ZDHHC21: variants seen among roughly 807,000 people sequenced by gnomAD.
The protein encoded by ZDHHC21 is palmitoyltransferase ZDHHC21.
ZDHHC21 carries 15 observed loss-of-function variants against 34.6 expected under a neutral mutation model. The observed-to-expected ratio is 0.43, with a 90% CI of 0.29 to 0.67. The LOEUF (loss-of-function observed/expected upper bound fraction) is 0.67. Among genes scored for constraint, ZDHHC21 ranks in the 30% least tolerant of loss-of-function variants. The probability of loss-of-function intolerance (pLI) is 0.14; values close to 1 mark genes in which losing one functional copy is unlikely to be tolerated. For synonymous variants in ZDHHC21, 142 were observed against 101.8 expected (o/e 1.40, Z -2.38); for missense variants, 344 against 327.7 (o/e 1.05, Z -0.38).
At chr9:14,642,030 G>C (rs959560511) in intron 7 of ZDHHC21, among the ~76,000 whole-genome samples, 2 of 152,070 alleles carry the variant, frequency 1.3e-5, no homozygotes, top group Non-Finnish European at 2.9e-5. Context: ...TCTACTCCCA[G>C]TGAAAAGATT....
intron 6 of ZDHHC21, among the ~76,000 whole-genome samples, chr9:14,660,224 A>C (rs1833100430): frequency 6.6e-6 from 1 of 151,650 alleles, no homozygotes; most frequent in Non-Finnish European, 1.5e-5. Context: ...AAATTAGCCA[A>C]GCATGGTGGC....
chr9:14,601,401 A>G, the ZDHHC21 span, among the ~76,000 whole-genome samples: 5 of 145,600 alleles, frequency 3.4e-5, no homozygotes, highest in African/African-American at 1.2e-4. Context: ...AAAAAAGGTC[A>G]TCATCACTGG....
At chr9:14,604,535 A>G in the ZDHHC21 span, among the ~76,000 whole-genome samples, 1 of 152,216 alleles carries the variant, frequency 6.6e-6, no homozygotes, top group Non-Finnish European at 1.5e-5. Context: ...GGAAAACTGC[A>G]GGTTGAGGAC....
chr9:14,618,687 C>T lies in ZDHHC21; in HGVS notation c.*279G>A, dbSNP rs193154225. On this transcript the variant is annotated 3_prime_UTR_variant, in exon 10 of 10. Coordinates refer to ENST00000380916, the MANE Select transcript of ZDHHC21 (RefSeq NM_178566.6). The stretch of plus-strand genomic sequence containing the variant: ...ATAAATTATGTACAATTATTTCATC[C>T]TAATCACTGCCTTTTGAGTTTAATA... The T allele has an allele frequency of 4.8e-4, 131 of 271,436 alleles. No homozygotes were observed. Among genetic ancestry groups the T allele is most frequent in the African/African-American group, 2.5e-3 (115 of 45,608 alleles). 16.8% of individuals were successfully genotyped at this position (271,436 alleles called of 1,614,324 possible).
At chr9:14,657,671 A>G (rs1349297719) in intron 7 of ZDHHC21, among the ~76,000 whole-genome samples, 1 of 152,190 alleles carries the variant, frequency 6.6e-6, no homozygotes, top group Non-Finnish European at 1.5e-5. Flanking sequence ...TAACAAAAAC[A>G]GGCAGAGGGC....
At chr9:14,669,570 CAT>C (rs1564359584) in intron 5 of ZDHHC21, among the ~76,000 whole-genome samples, 5 of 149,634 alleles carry the variant, frequency 3.3e-5, no homozygotes, top group Non-Finnish European at 5.9e-5. Flanking sequence ...TTTATTGCAG[CAT>C]TATTCACAAT....
At chr9:14,622,008 A>G (rs534623859) in intron 8 of ZDHHC21, among the ~76,000 whole-genome samples, 5 of 152,306 alleles carry the variant, frequency 3.3e-5, no homozygotes, top group Admixed American at 1.3e-4. Flanking sequence ...AATACAAAAT[A>G]TAAGTCCTCA....
At chr9:14,640,237 A>G (rs1829083636) in intron 7 of ZDHHC21, among the ~76,000 whole-genome samples, 1 of 148,804 alleles carries the variant, frequency 6.7e-6, no homozygotes, top group Non-Finnish European at 1.5e-5. Flanking sequence ...GGAGTTTACT[A>G]CTCTACTGCA....
the ZDHHC21 span, among the ~76,000 whole-genome samples, chr9:14,603,024 G>A: frequency 3.3e-5 from 5 of 150,964 alleles, no homozygotes; most frequent in Non-Finnish European, 7.4e-5. Flanking sequence ...AAACAGGTCC[G>A]CGTTTCCTGG....
chr9:14,641,010 A>G (rs761003020), intron 7 of ZDHHC21, among the ~76,000 whole-genome samples: 1 of 152,182 alleles, frequency 6.6e-6, no homozygotes, highest in Non-Finnish European at 1.5e-5. Context: ...ACAGAAAATA[A>G]AAGCACCAAG....
the ZDHHC21 span, among the ~76,000 whole-genome samples, chr9:14,605,580 TTTGA>T: frequency 2.0e-5 from 3 of 152,210 alleles, no homozygotes; most frequent in East Asian, 5.8e-4. Flanking sequence ...CGTTTTGTAT[TTTGA>T]TTAACCTCTT....
intron 8 of ZDHHC21, among the ~76,000 whole-genome samples, chr9:14,635,128 G>A (rs1235442223): frequency 6.6e-6 from 1 of 152,030 alleles, no homozygotes. Flanking sequence ...AACCCAGTCT[G>A]ACAAAAATAA....
At chr9:14,622,449 A>G (rs1825471845) in intron 8 of ZDHHC21, 1 of 826,948 alleles carries the variant, frequency 1.2e-6, no homozygotes, top group Non-Finnish European at 1.5e-6. Context: ...AGAAAGAGAT[A>G]TCTCTTGGCT....
At chr9:14,683,099 G>T (rs896433295) in intron 2 of ZDHHC21, among the ~76,000 whole-genome samples, 1 of 152,016 alleles carries the variant, frequency 6.6e-6, no homozygotes, top group African/African-American at 2.4e-5. Flanking sequence ...ATCTAAAATT[G>T]ACACCCTAAC....
At chr9:14,650,818 T>C (rs562413049) in intron 7 of ZDHHC21, among the ~76,000 whole-genome samples, 1 of 151,982 alleles carries the variant, frequency 6.6e-6, no homozygotes, top group Non-Finnish European at 1.5e-5. Context: ...ATTATTTATT[T>C]TCCTCTTCTG....
At chr9:14,668,124 C>T (rs1834816361) in intron 5 of ZDHHC21, among the ~76,000 whole-genome samples, 1 of 88,774 alleles carries the variant, frequency 1.1e-5, no homozygotes, top group Non-Finnish European at 2.2e-5. Context: ...CCCAAAATCT[C>T]CTTAAGCTGA....
chr9:14,675,102 T>C lies in ZDHHC21; in HGVS notation c.-45-717A>G, dbSNP rs80212938. On this transcript the variant is annotated intron_variant, in intron 3 of 9. Coordinates refer to ENST00000380916, the MANE Select transcript of ZDHHC21 (RefSeq NM_178566.6). ...GAATGAAGCCCAACAAATCTCATTA[T>C]GATCAACTGAAGAAGACTCCTGTTT... Among the ~76,000 whole-genome samples, 661 of 152,126 alleles carry C rather than the reference T, an allele frequency of 4.3e-3. 32 individuals are homozygous for C. In the East Asian group the frequency reaches 0.11, roughly 26 times the overall value.
chr9:14,675,480 T>C (rs1461828682), intron 3 of ZDHHC21, among the ~76,000 whole-genome samples: 2 of 151,828 alleles, frequency 1.3e-5, no homozygotes, highest in African/African-American at 4.8e-5. Flanking sequence ...CAATAAAATG[T>C]TGTAAAATGC....
rs56346308 is a variant in ZDHHC21, at chr9:14,654,868, G to C, written c.504+3881C>G. Among the ~76,000 whole-genome samples, 69 of 151,958 alleles carry C rather than the reference G, an allele frequency of 4.5e-4. 2 individuals are homozygous for C. Among genetic ancestry groups the C allele is most frequent in the African/African-American group, 1.6e-3 (66 of 41,480 alleles). ...AAGAAATAAATTCAGAACATATGCA[G>C]CACAATGAGACTTCACGTACATGTA... On this transcript the variant is annotated intron_variant, in intron 7 of 9. Coordinates refer to ENST00000380916, the MANE Select transcript of ZDHHC21 (RefSeq NM_178566.6).
Sources: allele counts gnomAD v4.1 joint callset (sites outside exome capture counted in the v4.1 genomes callset), GRCh38; gene constraint gnomAD v4.1.1; transcripts MANE v1.5; gene names NCBI Gene and HGNC (gene_info 2026-07-23, HGNC 2026-07-21).